The following GOLM1 variants were observed in gnomAD, a reference collection of about 807,000 sequenced individuals.
The protein encoded by GOLM1 is epididymis luminal protein 46.
A neutral mutation model predicts 50.5 loss-of-function variants in GOLM1; 31 were observed. The ratio of observed to expected loss-of-function variants is 0.61; its 90% CI spans 0.46 to 0.83. GOLM1 has a LOEUF of 0.83. GOLM1 is among the 40% of genes least tolerant of loss of function. The probability of loss-of-function intolerance (pLI) is 0.00; values close to 1 mark genes in which losing one functional copy is unlikely to be tolerated. For missense variants in GOLM1, 491 were observed against 501.3 expected (o/e 0.98, Z 0.20); for synonymous variants, 178 against 192.8 (o/e 0.92, Z 0.64).
chr9:86,086,814 A>T (rs1331115858), intron 1 of GOLM1, among the ~76,000 whole-genome samples: 1 of 151,982 alleles, frequency 6.6e-6, no homozygotes, highest in African/African-American at 2.4e-5. Flanking sequence ...TGGTCTATGT[A>T]TCTTTTTTGG....
intron 1 of GOLM1, among the ~76,000 whole-genome samples, chr9:86,081,600 T>C (rs1490796849): frequency 3.3e-5 from 5 of 151,664 alleles, no homozygotes; most frequent in Admixed American, 6.6e-5. Context: ...CACAGTAGAG[T>C]ATAAATTGGT....
At chr9:86,037,248 C>G (rs1303877474) in intron 6 of GOLM1, among the ~76,000 whole-genome samples, 2 of 152,050 alleles carry the variant, frequency 1.3e-5, no homozygotes, top group African/African-American at 2.4e-5. Context: ...AACCCCATCT[C>G]TACTAAAAAT....
chr9:86,074,062 G>A (rs976330837), intron 3 of GOLM1, among the ~76,000 whole-genome samples: 1 of 152,022 alleles, frequency 6.6e-6, no homozygotes, highest in East Asian at 1.9e-4. Flanking sequence ...GGTGAGGAAC[G>A]CTGGCAGAGA....
At chr9:86,038,239 C>T (rs566181337) in intron 6 of GOLM1, among the ~76,000 whole-genome samples, 1 of 151,946 alleles carries the variant, frequency 6.6e-6, no homozygotes, top group South Asian at 2.1e-4. Flanking sequence ...CCCCTAGGAG[C>T]TCAACCAGGC....
At chr9:86,030,269 C>T (rs537834068) in intron 9 of GOLM1, among the ~76,000 whole-genome samples, 3 of 150,362 alleles carry the variant, frequency 2.0e-5, no homozygotes, top group South Asian at 2.1e-4. Context: ...GTGACCAGAC[C>T]GTGAAACATG....
chr9:86,048,129 T>A (rs1440489734), intron 4 of GOLM1, among the ~76,000 whole-genome samples: 1 of 149,780 alleles, frequency 6.7e-6, no homozygotes, highest in Non-Finnish European at 1.5e-5. Context: ...CGGTGTTTGG[T>A]TTTCTGTCCT....
At chr9:86,066,568 A>G (rs1412216442) in intron 3 of GOLM1, among the ~76,000 whole-genome samples, 3 of 152,254 alleles carry the variant, frequency 2.0e-5, no homozygotes, top group Non-Finnish European at 4.4e-5. Context: ...TTGCTAAAAC[A>G]TTACCTTTGC....
At chr9:86,095,006 C>T (rs1835310990) in intron 1 of GOLM1, among the ~76,000 whole-genome samples, 1 of 151,200 alleles carries the variant, frequency 6.6e-6, no homozygotes, top group Non-Finnish European at 1.5e-5. Context: ...TCACTAGAAC[C>T]TGGGAAGCGG....
At chr9:86,055,286 T>C (rs768178437) in intron 3 of GOLM1, among the ~76,000 whole-genome samples, 4 of 152,072 alleles carry the variant, frequency 2.6e-5, no homozygotes, top group African/African-American at 4.8e-5. Flanking sequence ...ATGCTGTACA[T>C]CAGGGATTTT....
chr9:86,078,474 G>C (rs953541160), intron 2 of GOLM1, among the ~76,000 whole-genome samples: 2 of 152,104 alleles, frequency 1.3e-5, no homozygotes, highest in African/African-American at 2.4e-5. Flanking sequence ...CTAAACACAG[G>C]CCAAGGACTT....
intron 1 of GOLM1, among the ~76,000 whole-genome samples, chr9:86,088,353 G>A (rs1307132217): frequency 1.4e-5 from 2 of 143,748 alleles, no homozygotes; most frequent in East Asian, 2.1e-4. Flanking sequence ...AGTCTGGCTA[G>A]CAGTCTATCT....
intron 1 of GOLM1, among the ~76,000 whole-genome samples, chr9:86,097,623 T>C (rs1835390764): frequency 6.6e-6 from 1 of 152,148 alleles, no homozygotes; most frequent in African/African-American, 2.4e-5. Flanking sequence ...CCACCAATAG[T>C]GCCCATCAAC....
chr9:86,051,821 C>T (rs943576133), intron 4 of GOLM1, among the ~76,000 whole-genome samples: 3 of 152,030 alleles, frequency 2.0e-5, no homozygotes, highest in African/African-American at 7.3e-5. Context: ...ACAAAGTGAC[C>T]CCTTTTCACA....
chr9:86,029,167 C>T (rs1832890490), intron 9 of GOLM1, among the ~76,000 whole-genome samples: 1 of 152,070 alleles, frequency 6.6e-6, no homozygotes, highest in Non-Finnish European at 1.5e-5. Flanking sequence ...GGAACTCCTC[C>T]CCTTTCAAAG....
At chr9:86,057,714 CAAG>C (rs747265410) in intron 3 of GOLM1, among the ~76,000 whole-genome samples, 1 of 152,168 alleles carries the variant, frequency 6.6e-6, no homozygotes, top group East Asian at 1.9e-4. Context: ...GCGTGGAGGG[CAAG>C]AAGGTGCTGG....
At chr9:86,045,057 T>C (rs1564344166) in intron 5 of GOLM1, among the ~76,000 whole-genome samples, 1 of 152,196 alleles carries the variant, frequency 6.6e-6, no homozygotes. Flanking sequence ...CGCATGTCTA[T>C]CTAATTTTAC....
intron 9 of GOLM1, among the ~76,000 whole-genome samples, 195 bp downstream of exon 9, chr9:86,033,087 T>C (rs1304284110): frequency 6.6e-6 from 1 of 152,156 alleles, no homozygotes; most frequent in Non-Finnish European, 1.5e-5. Context: ...CCGAATGGTT[T>C]TCATCACCTT....
chr9:86,084,631 CCCTT>C (rs1397718374), intron 1 of GOLM1, among the ~76,000 whole-genome samples: 1 of 152,146 alleles, frequency 6.6e-6, no homozygotes, highest in Non-Finnish European at 1.5e-5. Flanking sequence ...TATTTTCCAA[CCCTT>C]CCTTAAGTCT....
intron 1 of GOLM1, among the ~76,000 whole-genome samples, chr9:86,086,085 G>T (rs1303988410): frequency 6.6e-6 from 1 of 152,102 alleles, no homozygotes; most frequent in East Asian, 1.9e-4. Context: ...CTTACACTCC[G>T]ACCAACAGAG....
Sources: allele counts gnomAD v4.1 joint callset (sites outside exome capture counted in the v4.1 genomes callset), GRCh38; gene constraint gnomAD v4.1.1; transcripts MANE v1.5; gene names NCBI Gene and HGNC (gene_info 2026-07-23, HGNC 2026-07-21).